DCAF6: variants seen among roughly 807,000 people sequenced by gnomAD.
DCAF6 encodes DDB1 and CUL4 associated factor 6.
DCAF6 carries 54 observed loss-of-function variants against 125.1 expected under a neutral mutation model. That is an observed-to-expected ratio of 0.43 (90% CI 0.35 to 0.54). The LOEUF (loss-of-function observed/expected upper bound fraction) is 0.54, where lower values mean the gene tolerates loss of function less well. Among genes scored for constraint, DCAF6 ranks in the 20% least tolerant of loss-of-function variants. The pLI is 0.01. For missense variants in DCAF6, 934 were observed against 1,161.7 expected, an observed-to-expected ratio of 0.80 and a Z score of 2.85; for synonymous variants, 371 against 390.4, an observed-to-expected ratio of 0.95 and a Z score of 0.58.
chr1:168,013,153 G>C (rs2103153299), intron 10 of DCAF6, among the ~76,000 whole-genome samples: 1 of 152,226 alleles, frequency 6.6e-6, no homozygotes, highest in South Asian at 2.1e-4. Context: ...TAAGGTGTCT[G>C]TACCTACCTG....
chr1:167,906,379 G>T, the DCAF6 span, among the ~76,000 whole-genome samples: 3 of 151,488 alleles, frequency 2.0e-5, no homozygotes, highest in Non-Finnish European at 4.4e-5. Context: ...AAAAAAAAGG[G>T]TAGCATTAAA....
chr1:167,880,663 G>C, the DCAF6 span: 1 of 1,369,078 alleles, frequency 7.3e-7, no homozygotes. Context: ...CTTTAAACTG[G>C]ACTGGCCAGA....
chr1:167,894,012 T>C, the DCAF6 span: 1 of 1,033,388 alleles, frequency 9.7e-7, no homozygotes, highest in Non-Finnish European at 1.5e-6. Context: ...GAGAGGAGGC[T>C]CCCAGTCCCT....
chr1:168,008,516 TG>T (rs1456965249), intron 10 of DCAF6, among the ~76,000 whole-genome samples: 1 of 152,170 alleles, frequency 6.6e-6, no homozygotes, highest in African/African-American at 2.4e-5. Context: ...TTAATCTGCC[TG>T]TACCTACTGT....
intron 3 of DCAF6, among the ~76,000 whole-genome samples, chr1:167,974,370 A>G (rs1284335411): frequency 6.6e-6 from 1 of 152,150 alleles, no homozygotes; most frequent in African/African-American, 2.4e-5. Context: ...AATATTATTA[A>G]TTGGATGTAG....
intron 12 of DCAF6, among the ~76,000 whole-genome samples, chr1:168,028,096 C>G (rs541015268): frequency 3.3e-5 from 5 of 152,124 alleles, no homozygotes; most frequent in African/African-American, 9.6e-5. Context: ...CAGTAATGTC[C>G]ATCATGCATC....
In DCAF6 at chr1:167,998,466, T is replaced by A. The variant is rs1002633534; in HGVS notation, c.904-4016T>A. 3.7e-4 allele frequency among the ~76,000 whole-genome samples: 56 copies of A among 152,252 alleles called. 1 individual carries two copies. Among genetic ancestry groups the A allele is most frequent in the Middle Eastern group, 3.4e-3 (1 of 294 alleles). The stretch of plus-strand genomic sequence containing the variant: ...AGTTTCTGCATCGATAGACTCTTCC[T>A]TTCATAAAAGATGTATTTGTAGCTT... On this transcript the variant is annotated intron_variant, in intron 7 of 21. Transcript: ENST00000367840.
At chr1:167,923,826 G>A in the DCAF6 span, among the ~76,000 whole-genome samples, 15 of 152,140 alleles carry the variant, frequency 9.9e-5, no homozygotes, top group Non-Finnish European at 2.2e-4. Flanking sequence ...TAGTAGGTCT[G>A]TGATGGGGCC....
intron 21 of DCAF6, among the ~76,000 whole-genome samples, chr1:168,069,057 G>A (rs1692721646): frequency 6.6e-6 from 1 of 152,044 alleles, no homozygotes; most frequent in Non-Finnish European, 1.5e-5. Flanking sequence ...TTTGGTATTA[G>A]CTATCATTTA....
chr1:168,021,927 T>C (rs1395162185), intron 11 of DCAF6, among the ~76,000 whole-genome samples: 2 of 152,180 alleles, frequency 1.3e-5, no homozygotes, highest in Non-Finnish European at 2.9e-5. Flanking sequence ...TTGTTAACAT[T>C]TGCTAAGAAC....
the DCAF6 span, among the ~76,000 whole-genome samples, chr1:167,929,962 C>T: frequency 5.3e-5 from 8 of 152,196 alleles, no homozygotes; most frequent in South Asian, 2.1e-4. Flanking sequence ...TACACAAGTT[C>T]ACCTGTTTGC....
At chr1:167,983,811 A>T (rs1679546138) in intron 4 of DCAF6, among the ~76,000 whole-genome samples, 1 of 152,120 alleles carries the variant, frequency 6.6e-6, no homozygotes, top group Admixed American at 6.6e-5. Flanking sequence ...ATGTTAAATC[A>T]TTGCTGTTGA....
chr1:168,026,617 C>A (rs1686372274), intron 12 of DCAF6, among the ~76,000 whole-genome samples: 1 of 151,896 alleles, frequency 6.6e-6, no homozygotes, highest in Admixed American at 6.6e-5. Flanking sequence ...AGTATGATAA[C>A]CAGGTGTCTT....
At chr1:167,923,243 A>G in the DCAF6 span, among the ~76,000 whole-genome samples, 1 of 152,238 alleles carries the variant, frequency 6.6e-6, no homozygotes, top group Non-Finnish European at 1.5e-5. Flanking sequence ...ATTCTTGTAC[A>G]TCAATGTTCA....
chr1:168,045,796 A>T (rs982614987), intron 16 of DCAF6, among the ~76,000 whole-genome samples: 3 of 152,152 alleles, frequency 2.0e-5, no homozygotes, highest in Non-Finnish European at 4.4e-5. Flanking sequence ...TAGTTTTTCT[A>T]TATTTTATGT....
intron 7 of DCAF6, chr1:167,998,590 G>T (rs184820002): frequency 4.8e-5 from 8 of 165,970 alleles, no homozygotes; most frequent in Admixed American, 6.5e-5. Flanking sequence ...CTAAGTTTAT[G>T]TAGTACTCTA....
chr1:167,931,078 T>C (rs113417973), upstream of DCAF6, among the ~76,000 whole-genome samples: 19,676 of 152,174 alleles, frequency 0.13, 1,624 homozygotes, highest in African/African-American at 0.23. Flanking sequence ...ATTACAGGTG[T>C]GCACCACCAT....
At chr1:168,052,674 T>A (rs866464266) in intron 17 of DCAF6, among the ~76,000 whole-genome samples, 2 of 152,330 alleles carry the variant, frequency 1.3e-5, no homozygotes, top group South Asian at 4.1e-4. Context: ...TAGTCTTCAT[T>A]AGGGACTGTC....
upstream of DCAF6, among the ~76,000 whole-genome samples, chr1:167,932,704 G>A (rs1670942957): frequency 6.6e-6 from 1 of 151,312 alleles, no homozygotes; most frequent in Non-Finnish European, 1.5e-5. Flanking sequence ...AGCTACTCAG[G>A]AGGCTGAGGC....
Sources: gnomAD v4.1 joint callset for allele counts (sites outside exome capture counted in the v4.1 genomes callset) on GRCh38, gnomAD v4.1.1 for gene constraint, MANE v1.5 for transcripts, NCBI Gene and HGNC (gene_info 2026-07-23, HGNC 2026-07-21) for gene names.